Variants in SUGCT observed in about 807,000 individuals in gnomAD.
The protein encoded by SUGCT is succinyl-CoA:glutarate-CoA transferase, also known as succinyl-CoA:glutarate CoA-transferase.
Under a neutral mutation model 55.0 loss-of-function variants are expected in SUGCT, and 41 were observed. The observed-to-expected ratio is 0.74, with a 90% confidence interval of 0.58 to 0.97. SUGCT has a LOEUF of 0.97. Among genes scored for constraint, SUGCT ranks in the 50% least tolerant of loss-of-function variants. SUGCT has a pLI of 0.00. For missense variants in SUGCT, 568 were observed against 547.8 expected (o/e 1.04, Z -0.37); for synonymous variants, 187 against 200.4 (o/e 0.93, Z 0.56).
intron 11 of SUGCT, among the ~76,000 whole-genome samples, chr7:40,491,992 A>AAAATAAATAAAT (rs10669502): frequency 0.017 from 2,546 of 150,104 alleles, 47 homozygotes; most frequent in Middle Eastern, 0.048. Flanking sequence ...TCTGTTTCCA[A>AAAATAAATAAAT]AAATAAATAA....
At chr7:40,826,056 T>C (rs1792297079) in intron 13 of SUGCT, among the ~76,000 whole-genome samples, 1 of 152,184 alleles carries the variant, frequency 6.6e-6, no homozygotes, top group South Asian at 2.1e-4. Context: ...AAACCCACAA[T>C]AAACAACTCA....
At chr7:40,777,991 G>A (rs1350895054) in intron 13 of SUGCT, among the ~76,000 whole-genome samples, 2 of 152,020 alleles carry the variant, frequency 1.3e-5, no homozygotes, top group Non-Finnish European at 2.9e-5. Context: ...AGCCCACAGC[G>A]GCCACCCCAG....
chr7:40,299,352 G>C (rs1794381851), intron 8 of SUGCT, among the ~76,000 whole-genome samples: 1 of 152,174 alleles, frequency 6.6e-6, no homozygotes, highest in Non-Finnish European at 1.5e-5. Flanking sequence ...CAGTGCAGTG[G>C]TGTGCTGGTA....
intron 12 of SUGCT, among the ~76,000 whole-genome samples, chr7:40,611,119 C>T (rs1196153079): frequency 6.6e-6 from 1 of 152,032 alleles, no homozygotes; most frequent in Non-Finnish European, 1.5e-5. Flanking sequence ...TCATGGTTCA[C>T]TCATACAGTT....
At chr7:40,179,799 GC>G (rs1785095734) in intron 1 of SUGCT, among the ~76,000 whole-genome samples, 1 of 152,172 alleles carries the variant, frequency 6.6e-6, no homozygotes, top group Non-Finnish European at 1.5e-5. Context: ...AAAAAGTCAA[GC>G]CCCAGTGTGT....
chr7:40,527,977 G>A (rs1002941357), intron 12 of SUGCT, among the ~76,000 whole-genome samples: 8 of 152,136 alleles, frequency 5.3e-5, no homozygotes, highest in Admixed American at 2.6e-4. Context: ...CTATGAGGTA[G>A]TACAGCCTAG....
chr7:41,020,528 G>T, the SUGCT span, among the ~76,000 whole-genome samples: 1 of 152,208 alleles, frequency 6.6e-6, no homozygotes, highest in Non-Finnish European at 1.5e-5. Context: ...TGATGTAATA[G>T]AGAATATTTT....
the SUGCT span, among the ~76,000 whole-genome samples, chr7:41,025,941 C>A: frequency 0.012 from 1,772 of 152,264 alleles, 15 homozygotes; most frequent in Non-Finnish European, 0.02. Flanking sequence ...ATTTGTAAGT[C>A]CCAGAGCAGT....
chr7:40,425,553 C>A (rs111278329), intron 9 of SUGCT, among the ~76,000 whole-genome samples: 2 of 152,100 alleles, frequency 1.3e-5, no homozygotes, highest in Non-Finnish European at 2.9e-5. Context: ...CTGTTTCAGA[C>A]ACAATTAAGC....
chr7:40,691,644 C>G (rs1784704421), intron 12 of SUGCT, among the ~76,000 whole-genome samples: 1 of 152,170 alleles, frequency 6.6e-6, no homozygotes, highest in Non-Finnish European at 1.5e-5. Flanking sequence ...CTATCTTTAT[C>G]TTCATACTAG....
At chr7:40,715,887 T>C (rs920888785) in intron 12 of SUGCT, among the ~76,000 whole-genome samples, 1 of 152,216 alleles carries the variant, frequency 6.6e-6, no homozygotes, top group African/African-American at 2.4e-5. Context: ...TTCTTCTTTG[T>C]TCTCCTGTTG....
the SUGCT span, among the ~76,000 whole-genome samples, chr7:41,011,500 A>G: frequency 2.6e-5 from 4 of 152,298 alleles, no homozygotes; most frequent in South Asian, 2.1e-4. Flanking sequence ...GTATCCCCCA[A>G]CCTCTAGGGG....
intron 12 of SUGCT, among the ~76,000 whole-genome samples, chr7:40,695,764 A>G (rs1784905324): frequency 6.6e-6 from 1 of 152,170 alleles, no homozygotes; most frequent in South Asian, 2.1e-4. Flanking sequence ...TGTCTTGTGC[A>G]CTATAGGATG....
chr7:40,773,433 C>A (rs376110876), intron 13 of SUGCT, among the ~76,000 whole-genome samples: 1 of 152,082 alleles, frequency 6.6e-6, no homozygotes. Context: ...CCGGCCGTAT[C>A]TTTTTATATC....
the SUGCT span, among the ~76,000 whole-genome samples, chr7:40,938,652 G>A: frequency 6.6e-6 from 1 of 151,982 alleles, no homozygotes; most frequent in Non-Finnish European, 1.5e-5. Flanking sequence ...GATATTAGAT[G>A]TAATTAGATA....
the SUGCT span, among the ~76,000 whole-genome samples, chr7:40,903,350 CAG>C: frequency 1.3e-5 from 2 of 152,070 alleles, no homozygotes; most frequent in Admixed American, 6.6e-5. Flanking sequence ...AGCGCCTAGA[CAG>C]AGAATTATGG....
intron 9 of SUGCT, among the ~76,000 whole-genome samples, chr7:40,395,652 A>G (rs1328905204): frequency 2.0e-5 from 3 of 151,944 alleles, no homozygotes; most frequent in Non-Finnish European, 4.4e-5. Flanking sequence ...CCCCATTCCC[A>G]CTCAGCTCAG....
intron 1 of SUGCT, among the ~76,000 whole-genome samples, chr7:40,149,067 C>T (rs1158614563): frequency 6.6e-6 from 1 of 151,992 alleles, no homozygotes; most frequent in East Asian, 1.9e-4. Context: ...TTGGAGAGTC[C>T]TTGAGGTTTC....
At chr7:40,354,753 G>A (rs1797808539) in intron 9 of SUGCT, among the ~76,000 whole-genome samples, 1 of 152,204 alleles carries the variant, frequency 6.6e-6, no homozygotes, top group African/African-American at 2.4e-5. Context: ...TGGGAATAAT[G>A]AGGAGTATAG....
Sources: gnomAD v4.1 joint callset for allele counts (sites outside exome capture counted in the v4.1 genomes callset) on GRCh38, gnomAD v4.1.1 for gene constraint, MANE v1.5 for transcripts, NCBI Gene and HGNC (gene_info 2026-07-23, HGNC 2026-07-21) for gene names.